The following LAMA1 variants were observed in gnomAD, a reference collection of about 807,000 sequenced individuals.
The protein encoded by LAMA1 is laminin subunit alpha 1.
LAMA1 carries 219 observed loss-of-function variants against 348.7 expected under a neutral mutation model. That is an observed-to-expected ratio of 0.63 (90% confidence interval 0.56 to 0.70). The LOEUF (loss-of-function observed/expected upper bound fraction) is 0.70. Ranked by LOEUF, LAMA1 falls within the 30% of genes least tolerant of loss-of-function variation. LAMA1 has a pLI of 0.00. For missense variants in LAMA1, 3,744 were observed against 3,888.0 expected (o/e 0.96, Z 0.99); for synonymous variants, 1,487 against 1,491.0 (o/e 1.00, Z 0.06).
At position 6,942,111 on chromosome 18, in the gene LAMA1, A is replaced by C. The variant is rs1480727715; in HGVS notation, c.9196T>G (p.Phe3066Val). The change falls in exon 63 of 63, where the codon TTC becomes GTC. Residue 3066 changes from phenylalanine (F) to valine (V), a missense_variant. Coordinates refer to ENST00000389658, the MANE Select transcript of LAMA1 (RefSeq NM_005559.4). ...TCGGTCCCAGGACAGGAATGAAGGA[A>C]AACTCCGTGCAGTTCGAACGCTCTG... ...FSRAFELHGVFLHSCPGTES is the reference protein window; with the variant it reads ...FSRAFELHGVVLHSCPGTES The C allele has an allele frequency of 6.2e-7, 1 of 1,614,074 alleles. No homozygotes were observed. The highest frequency in any genetic ancestry group is 2.2e-5 in the East Asian group (1 of 44,876).
At chr18:7,107,843 T>C (rs1244023228) in intron 1 of LAMA1, among the ~76,000 whole-genome samples, 1 of 150,156 alleles carries the variant, frequency 6.7e-6, no homozygotes, top group African/African-American at 2.5e-5. Context: ...TGAAACCCCG[T>C]CTCTACTAAA....
chr18:6,947,516 G>C (rs911943386), intron 60 of LAMA1, among the ~76,000 whole-genome samples: 1 of 152,168 alleles, frequency 6.6e-6, no homozygotes, highest in African/African-American at 2.4e-5. Context: ...AGCCAGGTCA[G>C]AGCAGAGCCA....
Position 7,042,269 on chromosome 18 carries a change from C to A in LAMA1, c.1156-19G>T. 6.9e-7 allele frequency: 1 copy of A among 1,458,576 alleles called. No homozygotes were observed. The highest frequency in any genetic ancestry group is 1.2e-5 in the South Asian group (1 of 86,206). 90.4% of individuals were successfully genotyped at this position (1,458,576 alleles called of 1,614,324 possible). A position where few individuals can be genotyped will look rare whatever the true frequency, so the allele number is the denominator to read the frequency against. On this transcript the variant is annotated intron_variant, in intron 8 of 62. Coordinates refer to ENST00000389658, the MANE Select transcript of LAMA1 (RefSeq NM_005559.4). Reference sequence around the variant, plus strand: ...GAGACACCTGAAAGGCAGAGGTTGCCCTGGATTCTCTTACTAGAAATAACA... The same window carrying A: ...GAGACACCTGAAAGGCAGAGGTTGCACTGGATTCTCTTACTAGAAATAACA...
At chr18:7,043,959 T>C (rs943807814) in intron 7 of LAMA1, among the ~76,000 whole-genome samples, 5 of 151,918 alleles carry the variant, frequency 3.3e-5, no homozygotes, top group Admixed American at 1.3e-4. Context: ...ATGGAGACCA[T>C]CCTGGCTAAC....
chr18:7,044,674 G>A (rs755400756), intron 7 of LAMA1, 48 bp downstream of exon 7: 34 of 1,382,866 alleles, frequency 2.5e-5, no homozygotes, highest in Middle Eastern at 3.5e-4. Flanking sequence ...AACTTGGGAC[G>A]TATTAAGAGG....
intron 3 of LAMA1, among the ~76,000 whole-genome samples, chr18:7,061,962 C>T (rs747601875): frequency 1.4e-4 from 21 of 152,112 alleles, no homozygotes; most frequent in Non-Finnish European, 2.8e-4. Context: ...ACTGCTCCTC[C>T]CTTGAGGACA....
chr18:7,062,700 T>G (rs1459656425), intron 3 of LAMA1, among the ~76,000 whole-genome samples: 2 of 152,156 alleles, frequency 1.3e-5, no homozygotes, highest in African/African-American at 4.8e-5. Context: ...AAGCAGTGTC[T>G]TCCAGCTCGA....
chr18:7,053,352 G>T (rs1293102699), intron 3 of LAMA1, among the ~76,000 whole-genome samples: 1 of 152,254 alleles, frequency 6.6e-6, no homozygotes, highest in East Asian at 1.9e-4. Flanking sequence ...CAATAATAAT[G>T]CATCAATATT....
At chr18:7,115,082 C>A (rs1041879745) in intron 1 of LAMA1, among the ~76,000 whole-genome samples, 4 of 152,178 alleles carry the variant, frequency 2.6e-5, no homozygotes, top group African/African-American at 9.7e-5. Flanking sequence ...GTTACACATA[C>A]CCTTGTTTCC....
chr18:7,110,752 C>T (rs1483277810), intron 1 of LAMA1, among the ~76,000 whole-genome samples: 2 of 151,956 alleles, frequency 1.3e-5, no homozygotes, highest in African/African-American at 2.4e-5. Context: ...AACTGGGAGG[C>T]GGAGGTTGCA....
Position 7,037,695 on chromosome 18 carries a change from C to T in LAMA1, c.1620G>A (p.Pro540=), listed in dbSNP as rs765638301. The change falls in exon 12 of 63, where the codon CCG becomes CCA. Residue 540 remains proline (P), a synonymous_variant. Coordinates refer to ENST00000389658, the MANE Select transcript of LAMA1 (RefSeq NM_005559.4). The part of the protein sequence containing the change: ...VTDLISPRKI[P]SQQDALGGRH... ...GCCCGCCTAGTGCATCTTGCTGAGA[C>T]GGGATCTTCCTGGGACTGATCAAGT... 32 of 1,614,178 alleles carry T rather than the reference C, an allele frequency of 2.0e-5. No individual in the cohort carries two copies. Among genetic ancestry groups the T allele is most frequent in the Middle Eastern group, 1.6e-4 (1 of 6,062 alleles).
At chr18:6,956,004 G>T (rs2057575330) in intron 56 of LAMA1, 5 of 306,464 alleles carry the variant, frequency 1.6e-5, no homozygotes, top group Non-Finnish European at 3.1e-5. Context: ...GCTGTCCTAA[G>T]AGTGCCCAAG....
intron 1 of LAMA1, among the ~76,000 whole-genome samples, chr18:7,110,915 T>G (rs968108220): frequency 6.6e-6 from 1 of 150,670 alleles, no homozygotes; most frequent in East Asian, 1.9e-4. Context: ...AATTGTTCTC[T>G]TTTAACTAAA....
intron 1 of LAMA1, among the ~76,000 whole-genome samples, chr18:7,107,780 T>G (rs28507948): frequency 1.3e-5 from 2 of 150,908 alleles, no homozygotes; most frequent in African/African-American, 4.9e-5. Flanking sequence ...TTTGGGAGGC[T>G]GAGGCGGGCA....
chr18:6,943,797 C>T (rs1327624684), intron 61 of LAMA1, among the ~76,000 whole-genome samples: 3 of 138,952 alleles, frequency 2.2e-5, no homozygotes, highest in African/African-American at 5.3e-5. Context: ...GAGCCAAGAT[C>T]GTACCATTGC....
chr18:6,980,024 A>C (rs926395071), intron 42 of LAMA1, among the ~76,000 whole-genome samples: 8 of 124,998 alleles, frequency 6.4e-5, no homozygotes, highest in South Asian at 4.6e-4. Flanking sequence ...AGACCCCCCC[A>C]AAAAATTTCA....
chr18:6,987,441 A>G (rs1025971241), intron 36 of LAMA1, among the ~76,000 whole-genome samples: 42 of 152,368 alleles, frequency 2.8e-4, no homozygotes, highest in African/African-American at 9.4e-4. Flanking sequence ...TGACAAAAAG[A>G]TATGATTTGT....
chr18:6,950,160 C>T (rs1380093515), intron 58 of LAMA1, among the ~76,000 whole-genome samples: 1 of 152,146 alleles, frequency 6.6e-6, no homozygotes, highest in Non-Finnish European at 1.5e-5. Flanking sequence ...ACAACTTCGA[C>T]CCCCTGTGAT....
At chr18:7,049,279 T>A in intron 4 of LAMA1, 22 bp from the exon 5 acceptor site, 1 of 1,590,510 alleles carries the variant, frequency 6.3e-7, no homozygotes, top group Non-Finnish European at 8.6e-7. Flanking sequence ...GGCATCAAAA[T>A]AGATGAATGT....
Sources: allele counts gnomAD v4.1 joint callset (sites outside exome capture counted in the v4.1 genomes callset), GRCh38; gene constraint gnomAD v4.1.1; transcripts MANE v1.5; gene names NCBI Gene and HGNC (gene_info 2026-07-23, HGNC 2026-07-21).